WIPF1: variants seen among roughly 807,000 people sequenced by gnomAD.
The protein encoded by WIPF1 is WAS/WASL interacting protein family member 1, also known as WAS/WASL-interacting protein family member 1.
Under a neutral mutation model 35.4 loss-of-function variants are expected in WIPF1, and 13 were observed. The ratio of observed to expected loss-of-function variants is 0.37; its 90% CI spans 0.24 to 0.58. The LOEUF (loss-of-function observed/expected upper bound fraction) is 0.58. Ranked by LOEUF, WIPF1 falls within the 20% of genes least tolerant of loss-of-function variation. The pLI is 0.74. For synonymous variants in WIPF1, 267 were observed against 266.3 expected (o/e 1.00, Z -0.02); for missense variants, 591 against 667.0 (o/e 0.89, Z 1.25).
chr2:174,567,216 C>T (rs746640640), intron 6 of WIPF1, 33 bp from the exon 7 acceptor site: 9 of 1,582,824 alleles, frequency 5.7e-6, no homozygotes, highest in Admixed American at 1.7e-5. Flanking sequence ...TCTTCAGTGA[C>T]AGACAATGTG....
At chr2:174,659,042 T>C (rs1687704180) in intron 1 of WIPF1, among the ~76,000 whole-genome samples, 1 of 152,066 alleles carries the variant, frequency 6.6e-6, no homozygotes, top group South Asian at 2.1e-4. Context: ...GTAAGATAAA[T>C]TATGTAAAAC....
chr2:174,665,496 C>T (rs1435246252), intron 1 of WIPF1: 1 of 152,246 alleles, frequency 6.6e-6, no homozygotes, highest in African/African-American at 2.4e-5. Context: ...GGATCTCCTG[C>T]AGAAATCTGC....
chr2:174,624,595 A>G (rs1474554535), intron 1 of WIPF1, among the ~76,000 whole-genome samples: 4 of 152,196 alleles, frequency 2.6e-5, no homozygotes, highest in African/African-American at 9.7e-5. Flanking sequence ...ATTGGGTGAT[A>G]TTCAAAATAT....
intron 1 of WIPF1, among the ~76,000 whole-genome samples, chr2:174,661,572 C>T (rs1177115017): frequency 6.6e-6 from 1 of 152,142 alleles, no homozygotes; most frequent in Non-Finnish European, 1.5e-5. Context: ...ATGTCTCGAG[C>T]GTATCCCTAT....
At chr2:174,678,987 A>G (rs952814792) in intron 1 of WIPF1, among the ~76,000 whole-genome samples, 3 of 152,222 alleles carry the variant, frequency 2.0e-5, no homozygotes, top group African/African-American at 7.2e-5. Flanking sequence ...CCTATGGAGA[A>G]AGGAATGCCA....
chr2:174,673,256 T>C (rs1273461558), intron 1 of WIPF1: 3 of 152,250 alleles, frequency 2.0e-5, no homozygotes, highest in Non-Finnish European at 4.4e-5. Flanking sequence ...GGCAGATTTC[T>C]GGCCTTGAAA....
Position 174,571,689 on chromosome 2 carries a change from C to A in WIPF1, c.1116G>T (p.Pro372=). ...GTCTTGTCATACCTGATCGGCCTGG[C>A]GGGTCCCTCACTGGAGGTGGGGGTC... is the stretch of plus-strand genomic sequence containing the variant. ...SERPPPPVRD[P]PGRSGPLPPP... is the part of the protein sequence containing the mutation. Residue 372 remains proline, a synonymous_variant, in exon 5 of 8, where the codon CCG becomes CCT. Coordinates refer to ENST00000679041, the MANE Select transcript of WIPF1 (RefSeq NM_001375834.1). This position sits in a 1 kb window ranked among gnomAD's most constrained non-coding sequence, Gnocchi z 4.6. 1.9e-6 allele frequency: 3 copies of A among 1,614,124 alleles called. No individual in the cohort carries two copies. The highest frequency in any genetic ancestry group is 2.5e-6 in the Non-Finnish European group (3 of 1,180,032).
At chr2:174,670,905 TCATTAGTTAGCGAC>T (rs1409315555) in intron 1 of WIPF1, among the ~76,000 whole-genome samples, 6 of 152,234 alleles carry the variant, frequency 3.9e-5, no homozygotes, top group Admixed American at 3.9e-4. Flanking sequence ...TACAAAGTAT[TCATTAGTTAGCGAC>T]GACCTCTGCC....
chr2:174,631,201 A>T (rs1390293989), intron 1 of WIPF1, among the ~76,000 whole-genome samples: 1 of 152,204 alleles, frequency 6.6e-6, no homozygotes, highest in African/African-American at 2.4e-5. Flanking sequence ...CAACAGCGAA[A>T]AAGTAGAAGC....
chr2:174,574,972 AG>A (rs900132638), intron 4 of WIPF1: 12 of 746,224 alleles, frequency 1.6e-5, no homozygotes, highest in Non-Finnish European at 2.5e-5. Context: ...AAAAATGTAC[AG>A]GTTACCCCCA....
chr2:174,613,498 G>T (rs1417372027), intron 1 of WIPF1, among the ~76,000 whole-genome samples: 2 of 152,166 alleles, frequency 1.3e-5, no homozygotes, highest in Non-Finnish European at 2.9e-5. Context: ...CTTCCCAAGT[G>T]AAGACCTGTG....
Position 174,571,592 on chromosome 2 carries a change from G to T in WIPF1, c.1129+84C>A. The stretch of plus-strand genomic sequence containing the variant: ...TCTGAGTTTACTTATGCCTGCTTTT[G>T]TTAGACTATCTTGACTGACAGGATT... On this transcript the variant is annotated intron_variant, in intron 5 of 7. Coordinates refer to ENST00000679041, the MANE Select transcript of WIPF1 (RefSeq NM_001375834.1). The surrounding 1 kb of genome is among the most constrained non-coding windows in gnomAD (Gnocchi z 4.6). 2 of 1,587,302 alleles carry T rather than the reference G, an allele frequency of 1.3e-6. No individual in the cohort carries two copies. Among genetic ancestry groups the T allele is most frequent in the South Asian group, 1.1e-5 (1 of 90,544 alleles).
chr2:174,564,107 G>A (rs1313219657), intron 7 of WIPF1, among the ~76,000 whole-genome samples: 1 of 152,204 alleles, frequency 6.6e-6, no homozygotes, highest in Non-Finnish European at 1.5e-5. Context: ...AGTGCATTCG[G>A]TACTGCTCAG....
At position 174,571,931 on chromosome 2, in the gene WIPF1, G is replaced by T; in HGVS notation, c.874C>A (p.Pro292Thr). ...GGCCGCGGAGTGGAAGGCACTGGAG[G>T]CTTGTTGTTCTGAGGAGGAGGAGGG... The part of the protein sequence containing the change: ...VPPPPPQNNK[P>T]PVPSTPRPSA... Residue 292 changes from proline (P) to threonine (T), a missense_variant, in exon 5 of 8, where the codon CCT (proline) becomes ACT (threonine). By Grantham distance (38) the Pro-to-Thr change is conservative. Around this residue, in one of 3 missense-constraint regions of WIPF1, gnomAD observed 471 missense variants for 501.1 expected, o/e 0.94. Coordinates refer to ENST00000679041, the MANE Select transcript of WIPF1 (RefSeq NM_001375834.1). The surrounding 1 kb of genome is among the most constrained non-coding windows in gnomAD (Gnocchi z 4.6). 6.2e-7 allele frequency: 1 copy of T among 1,600,868 alleles called. No homozygotes were observed. The highest frequency in any genetic ancestry group is 1.1e-5 in the South Asian group (1 of 88,896).
chr2:174,575,446 C>T (rs1035761703), intron 3 of WIPF1, 66 bp from the exon 4 acceptor site: 1 of 1,491,066 alleles, frequency 6.7e-7, no homozygotes. Context: ...CATAAAACAA[C>T]AGTACAACAG....
intron 1 of WIPF1, among the ~76,000 whole-genome samples, chr2:174,670,961 G>C (rs1197897642): frequency 6.6e-6 from 1 of 152,206 alleles, no homozygotes; most frequent in Non-Finnish European, 1.5e-5. Context: ...GACACATACT[G>C]ACACATAAAA....
At chr2:174,572,948 T>C (rs1335833402) in intron 4 of WIPF1, among the ~76,000 whole-genome samples, 15 of 151,962 alleles carry the variant, frequency 9.9e-5, no homozygotes, top group Admixed American at 9.8e-4. Context: ...TGAAGAGAAA[T>C]GCCCCAAAAA....
intron 5 of WIPF1, among the ~76,000 whole-genome samples, chr2:174,569,258 A>G (rs932236249): frequency 6.6e-6 from 1 of 152,188 alleles, no homozygotes; most frequent in Non-Finnish European, 1.5e-5. Flanking sequence ...CTTGGCTCCA[A>G]CATTTTACAG....
At chr2:174,587,666 C>G (rs1312758401) in intron 1 of WIPF1, 1 of 152,200 alleles carries the variant, frequency 6.6e-6, no homozygotes, top group African/African-American at 2.4e-5. Flanking sequence ...CTTGCGTGGT[C>G]TCTGACTCCT....
Sources: gnomAD v4.1 joint callset for allele counts (sites outside exome capture counted in the v4.1 genomes callset) on GRCh38, gnomAD v4.1.1 for gene constraint, gnomAD v4.1.1 regional missense constraint, Gnocchi (gnomAD v3.1) non-coding constraint, MANE v1.5 for transcripts, NCBI Gene and HGNC (gene_info 2026-07-23, HGNC 2026-07-21) for gene names.